Variants in TRPV1 observed in about 807,000 individuals in gnomAD.
TRPV1 encodes the protein transient receptor potential cation channel subfamily V member 1.
Under a neutral mutation model 82.3 loss-of-function variants are expected in TRPV1, and 82 were observed. That is an observed-to-expected ratio of 1.00 (90% confidence interval 0.83 to 1.20). The LOEUF (loss-of-function observed/expected upper bound fraction) is 1.20, where lower values mean the gene tolerates loss of function less well. Ranked by LOEUF, TRPV1 falls within the 50% of genes most tolerant of loss-of-function variation. The pLI, the probability that TRPV1 is intolerant of heterozygous loss-of-function variation, is 0.00. For synonymous variants in TRPV1, 515 were observed against 467.7 expected (o/e 1.10, Z -1.30); for missense variants, 1,067 against 1,096.8 (o/e 0.97, Z 0.38).
At chr17:3,608,003 T>C (rs2075308878) in intron 2 of TRPV1, among the ~76,000 whole-genome samples, 1 of 151,880 alleles carries the variant, frequency 6.6e-6, no homozygotes, top group Non-Finnish European at 1.5e-5. Context: ...TCACCTGAGG[T>C]CAGGAGTTCG....
chr17:3,585,521 C>T (rs1332726020), intron 9 of TRPV1: 3 of 477,436 alleles, frequency 6.3e-6, no homozygotes, highest in Non-Finnish European at 7.6e-6. Flanking sequence ...CTCAGCCCCA[C>T]AGGACCTCAA....
At chr17:3,607,153 G>GCCT in intron 2 of TRPV1, among the ~76,000 whole-genome samples, 1 of 152,040 alleles carries the variant, frequency 6.6e-6, no homozygotes, top group African/African-American at 2.4e-5. Context: ...TTCAAGACCA[G>GCCT]GCCAACATGG....
At chr17:3,583,583 C>G (rs969157419) in intron 9 of TRPV1, among the ~76,000 whole-genome samples, 153 bp from the exon 10 acceptor site, 3 of 152,344 alleles carry the variant, frequency 2.0e-5, no homozygotes, top group African/African-American at 7.2e-5. Context: ...GGGGAGCGCC[C>G]GCAAGGAGGC....
At chr17:3,577,931 T>C in intron 11 of TRPV1, 168 bp from the exon 12 acceptor site, 1 of 622,714 alleles carries the variant, frequency 1.6e-6, no homozygotes, top group Admixed American at 2.9e-5. Flanking sequence ...GGAAGCAGCA[T>C]CGTCCCCAAG....
intron 16 of TRPV1, among the ~76,000 whole-genome samples, chr17:3,568,333 A>AAAAAAAG (rs2074803599): frequency 6.6e-6 from 1 of 151,772 alleles, no homozygotes; most frequent in African/African-American, 2.4e-5. Context: ...AAAAAAAAAA[A>AAAAAAAG]AAAAGAAAAG....
chr17:3,609,335 G>A lies in TRPV1; in HGVS notation c.-199C>T, dbSNP rs2075322097. 3 of 152,142 alleles carry A rather than the reference G, an allele frequency of 2.0e-5. No individual in the cohort carries two copies. In the South Asian group the frequency reaches 6.2e-4, roughly 31 times the overall value. 9.4% of individuals were successfully genotyped at this position (152,142 alleles called of 1,614,324 possible). ...TGTCATGGATACTGAGAGAGAGAGAGAGAGAGAGAGAGAGAATACGACTGC... is the reference window on the plus strand; with the variant it reads ...TGTCATGGATACTGAGAGAGAGAGAAAGAGAGAGAGAGAGAATACGACTGC... On this transcript the variant is annotated 5_prime_UTR_variant, in exon 1 of 17. Coordinates refer to ENST00000572705, the MANE Select transcript of TRPV1 (RefSeq NM_080704.4).
At position 3,590,975 on chromosome 17, in the gene TRPV1, C is replaced by T. The variant is rs199660430; in HGVS notation, c.593G>A (p.Ser198Asn). The T allele has an allele frequency of 1.9e-5, 30 of 1,605,786 alleles. No homozygotes were observed. Among genetic ancestry groups the T allele is most frequent in the Non-Finnish European group, 2.2e-5 (26 of 1,177,068 alleles). Reference sequence around the variant, plus strand: ...GCCGCCCTCCTCACCCTTGTAGTAGCTGTCCGTGTAGCTGGCGTTGACAAG... The same window carrying T: ...GCCGCCCTCCTCACCCTTGTAGTAGTTGTCCGTGTAGCTGGCGTTGACAAG... The part of the protein sequence containing the change: ...KELVNASYTD[S>N]YYKGQTALHI... The change falls in exon 5 of 17, where the codon AGC becomes AAC. Residue 198 changes from serine (S) to asparagine (N), a missense_variant. Coordinates refer to ENST00000572705, the MANE Select transcript of TRPV1 (RefSeq NM_080704.4).
In TRPV1 at chr17:3,588,356, A is replaced by G; in HGVS notation, c.1056T>C (p.Tyr352=). ...GCTCCTGGATCTCCCGCTGGAGAAT[A>G]TAGGCCAAGACCTGCCCCCGGGGAG... The part of the protein sequence containing the change: ...AGTGKIGVLA[Y]ILQREIQEPE... Residue 352 remains tyrosine (Y), a synonymous_variant, in exon 8 of 17, where the codon TAT becomes TAC. Transcript: ENST00000572705. The G allele has an allele frequency of 1.3e-6, 2 of 1,557,790 alleles. No individual in the cohort carries two copies. The highest frequency in any genetic ancestry group is 1.7e-4 in the Middle Eastern group (1 of 5,980).
intron 2 of TRPV1, among the ~76,000 whole-genome samples, chr17:3,605,433 C>T (rs568956182): frequency 1.3e-5 from 2 of 151,978 alleles, no homozygotes; most frequent in South Asian, 4.2e-4. Flanking sequence ...TTGCTGGAAC[C>T]CGGGAGGCTG....
At chr17:3,568,089 G>A (rs1258075170) in intron 16 of TRPV1, among the ~76,000 whole-genome samples, 8 of 152,146 alleles carry the variant, frequency 5.3e-5, no homozygotes, top group Admixed American at 1.3e-4. Flanking sequence ...GTGGGAGGCC[G>A]AGGCGGGCGG....
Position 3,565,455 on chromosome 17 carries a change from A to C in TRPV1, c.*1360T>G, listed in dbSNP as rs2074748437. On this transcript the variant is annotated 3_prime_UTR_variant, in exon 17 of 17. Coordinates refer to ENST00000572705, the MANE Select transcript of TRPV1 (RefSeq NM_080704.4). ...TACACTTGACACGATATATATGTATACATATCTGTTTATTTGAGGATGCCA... is the reference window on the plus strand; with the variant it reads ...TACACTTGACACGATATATATGTATCCATATCTGTTTATTTGAGGATGCCA... The C allele has an allele frequency of 6.6e-6, 1 of 152,244 alleles. No homozygotes were observed. Among genetic ancestry groups the C allele is most frequent in the Admixed American group, 6.5e-5 (1 of 15,278 alleles). The allele number at this position is 152,244 out of a possible 1,614,324, so 9.4% of individuals were successfully genotyped here.
chr17:3,591,771 T>C (rs1317335531), intron 3 of TRPV1, among the ~76,000 whole-genome samples: 2 of 152,182 alleles, frequency 1.3e-5, no homozygotes, highest in African/African-American at 4.8e-5. Context: ...TGCAGCTCAC[T>C]GGAGCTGTGC....
intron 7 of TRPV1, among the ~76,000 whole-genome samples, chr17:3,589,292 C>T (rs776250232): frequency 5.3e-5 from 8 of 151,622 alleles, no homozygotes; most frequent in South Asian, 2.1e-4. Context: ...CTGCCACCTC[C>T]GCCTCCCAAG....
At chr17:3,567,767 T>A (rs2074788734) in intron 16 of TRPV1, among the ~76,000 whole-genome samples, 1 of 150,098 alleles carries the variant, frequency 6.7e-6, no homozygotes, top group Non-Finnish European at 1.5e-5. Context: ...CAGAACAAGA[T>A]TCTGTCTCAA....
rs1171958750 is a variant in TRPV1 at position 3,577,612 on chromosome 17, C to T, written c.1699G>A (p.Val567Ile). Residue 567 changes from valine to isoleucine, a missense_variant, in exon 12 of 17, where the codon GTC becomes ATC. Val to Ile is a conservative substitution (Grantham distance 29). Coordinates refer to ENST00000572705, the MANE Select transcript of TRPV1 (RefSeq NM_080704.4). ...RGFQQMGIYA[V>I]MIEKMILRDL... ...AGGGAACCCACCTTCTCTATCATGACGGCATAGATGCCCATCTGCTGGAAA... is the reference window on the plus strand; with the variant it reads ...AGGGAACCCACCTTCTCTATCATGATGGCATAGATGCCCATCTGCTGGAAA... 32 of 1,579,334 alleles carry T rather than the reference C, an allele frequency of 2.0e-5. No individual in the cohort carries two copies. Among genetic ancestry groups the T allele is most frequent in the East Asian group, 4.7e-5 (2 of 42,904 alleles).
In TRPV1 at chr17:3,571,588, G is replaced by C. The variant is rs759246815; in HGVS notation, c.2283C>G (p.Asn761Lys). The C allele has an allele frequency of 1.2e-6, 2 of 1,612,732 alleles. No homozygotes were observed. The highest frequency in any genetic ancestry group is 1.3e-5 in the African/African-American group (1 of 74,914). The change falls in exon 16 of 17, where the codon AAC becomes AAG. Residue 761 changes from asparagine (N) to lysine (K), a missense_variant. Coordinates refer to ENST00000572705, the MANE Select transcript of TRPV1 (RefSeq NM_080704.4). ...TTWNTNVGII[N>K]EDPGNCEGVK... The stretch of plus-strand genomic sequence containing the variant: ...CGCCCTCACAGTTGCCCGGGTCTTC[G>C]TTGATGATGCCCACGTTGGTGTTCC...
At chr17:3,572,847 G>A (rs1400070467) in intron 14 of TRPV1, among the ~76,000 whole-genome samples, 1 of 152,144 alleles carries the variant, frequency 6.6e-6, no homozygotes, top group African/African-American at 2.4e-5. Flanking sequence ...GCTGGGTGTG[G>A]TGGTGGGTGC....
intron 14 of TRPV1, among the ~76,000 whole-genome samples, chr17:3,572,695 C>G (rs1456411368): frequency 5.3e-5 from 8 of 151,882 alleles, no homozygotes; most frequent in South Asian, 2.1e-4. Context: ...AAAAACGGAA[C>G]AGTATAGCCA....
chr17:3,575,552 C>A (rs541446125), intron 13 of TRPV1, among the ~76,000 whole-genome samples: 1 of 151,634 alleles, frequency 6.6e-6, no homozygotes, highest in East Asian at 1.9e-4. Flanking sequence ...GACTCATCAA[C>A]GGATGCTAGA....
Sources: gnomAD v4.1 joint callset for allele counts (sites outside exome capture counted in the v4.1 genomes callset) on GRCh38, gnomAD v4.1.1 for gene constraint, MANE v1.5 for transcripts, NCBI Gene and HGNC (gene_info 2026-07-23, HGNC 2026-07-21) for gene names.